Variants in TLE3 observed in about 807,000 individuals in gnomAD.
TLE3 encodes the protein transducin-like enhancer protein 3.
TLE3 carries 14 observed loss-of-function variants against 93.0 expected under a neutral mutation model. The observed-to-expected ratio is 0.15, with a 90% CI of 0.10 to 0.24. The LOEUF (loss-of-function observed/expected upper bound fraction) is 0.24. Among genes scored for constraint, TLE3 ranks in the 10% least tolerant of loss-of-function variants. The pLI is 1.00. For missense variants in TLE3, 693 were observed against 1,046.6 expected, an observed-to-expected ratio of 0.66 and a Z score of 4.66; for synonymous variants, 451 against 425.0, an observed-to-expected ratio of 1.06 and a Z score of -0.75.
Position 70,064,376 on chromosome 15 carries a change from C to T in TLE3, c.594+78G>A, listed in dbSNP as rs1050771029. The T allele has an allele frequency of 7.0e-6, 11 of 1,579,040 alleles. No homozygotes were observed. In the East Asian group the frequency reaches 1.1e-4, roughly 16 times the overall value. ...GATACCGACTGACTGGTCTCAGGCC[C>T]GCGATTCTGGGAGCCCCGAGTCCCA... On this transcript the variant is annotated intron_variant, in intron 8 of 19. Coordinates refer to ENST00000451782, the MANE Select transcript of TLE3 (RefSeq NM_001105192.3).
At chr15:70,096,372 C>T (rs905793927) in intron 1 of TLE3, 111 bp from the exon 2 acceptor site, 1 of 1,487,436 alleles carries the variant, frequency 6.7e-7, no homozygotes, top group Non-Finnish European at 8.9e-7. Flanking sequence ...ACCCTCAGCC[C>T]AGAACCTTCC....
At chr15:70,057,688 C>A (rs1327255509) in intron 12 of TLE3, 30 bp from the exon 13 acceptor site, 2 of 1,544,662 alleles carry the variant, frequency 1.3e-6, no homozygotes, top group Non-Finnish European at 1.7e-6. Context: ...GGGAGGTGGG[C>A]CTTAGGTGGA....
chr15:70,096,351 CA>C lies in TLE3; in HGVS notation c.25-91del, dbSNP rs967085425. 6 of 1,515,718 alleles carry C rather than the reference CA, an allele frequency of 4.0e-6. No homozygotes were observed. The African/African-American group carries it at 8.5e-5, about 21-fold the overall frequency. The allele number at this position is 1,515,718 out of a possible 1,614,324, so 93.9% of individuals were successfully genotyped here. On this transcript the variant is annotated intron_variant, in intron 1 of 19. Coordinates refer to ENST00000451782, the MANE Select transcript of TLE3 (RefSeq NM_001105192.3). The stretch of plus-strand genomic sequence containing the variant: ...CGGCCCCTCCCCAACGGCGCCCAAC[CA>C]AAAGAGGCCACCCTCAGCCCAGAAC...
chr15:70,062,908 A>G (rs2056584331), intron 8 of TLE3, among the ~76,000 whole-genome samples: 1 of 152,018 alleles, frequency 6.6e-6, no homozygotes, highest in Non-Finnish European at 1.5e-5. Context: ...CGAGCATGGT[A>G]AACAGCCCAG....
chr15:70,050,329 C>T, intron 19 of TLE3, 125 bp from the exon 20 acceptor site: 1 of 753,610 alleles, frequency 1.3e-6, no homozygotes, highest in South Asian at 1.6e-5. Flanking sequence ...CCTCCTCTGC[C>T]CCTCTCTGAT....
rs2056801085 is a variant in TLE3, at chr15:70,066,108, C to G, written c.483G>C (p.Gly161=). The G allele has an allele frequency of 1.3e-6, 2 of 1,575,188 alleles. No homozygotes were observed. The highest frequency in any genetic ancestry group is 1.7e-6 in the Non-Finnish European group (2 of 1,159,666). ...CCAGTGCCAGCAGCCCGGAGCTGCT[C>G]CCTGTCACTGGGGGGATTCCTGGAG... ...LQPPGIPPVT[G]SSSGLLALGA... Residue 161 remains glycine, a synonymous_variant, in exon 7 of 20, where the codon GGG becomes GGC. Transcript: ENST00000451782.
intron 6 of TLE3, among the ~76,000 whole-genome samples, chr15:70,068,090 T>C (rs985934624): frequency 2.6e-5 from 4 of 152,226 alleles, no homozygotes; most frequent in African/African-American, 9.6e-5. Flanking sequence ...ACTTTTTCTT[T>C]TTTAAGAAAA....
At chr15:70,065,976 C>A (rs2056788373) in intron 7 of TLE3, 38 bp downstream of exon 7, 1 of 1,292,590 alleles carries the variant, frequency 7.7e-7, no homozygotes, top group Non-Finnish European at 1.1e-6. Flanking sequence ...CATGCCCACC[C>A]CTGCCCCGCC....
intron 19 of TLE3, 122 bp downstream of exon 19, chr15:70,051,269 G>T: frequency 1.0e-6 from 1 of 964,950 alleles, no homozygotes; most frequent in African/African-American, 1.7e-5. Context: ...GGGGACCAGG[G>T]CAGGTCTGAT....
At chr15:70,070,600 T>C (rs886066545) in intron 6 of TLE3, among the ~76,000 whole-genome samples, 10 of 152,204 alleles carry the variant, frequency 6.6e-5, no homozygotes, top group African/African-American at 2.4e-4. Flanking sequence ...ATTGAGCTTC[T>C]GGGGTTGGTA....
chr15:70,052,482 C>T lies in TLE3; in HGVS notation c.2017G>A (p.Val673Met). 1 of 1,613,820 alleles carries T rather than the reference C, an allele frequency of 6.2e-7. No homozygotes were observed. The change falls in exon 18 of 20, where the codon GTG becomes ATG. Residue 673 changes from valine to methionine, a missense_variant. Val to Met is a conservative substitution (Grantham distance 21). Transcript: ENST00000451782. ...TCCACGTTGCTGCTCTCCATGCCCA[C>T]AGCCAGCCACTCCCCAGTGGGGCAG... ...GYCPTGEWLA[V>M]GMESSNVEVL...
Position 70,058,493 on chromosome 15 carries a change from G to C in TLE3, c.918+170C>G. 1 of 1,280,336 alleles carries C rather than the reference G, an allele frequency of 7.8e-7. No homozygotes were observed. The allele number at this position is 1,280,336 out of a possible 1,614,324, so 79.3% of individuals were successfully genotyped here. A position where few individuals can be genotyped will look rare whatever the true frequency, so the allele number is the denominator to read the frequency against. On this transcript the variant is annotated intron_variant, in intron 11 of 19. Coordinates refer to ENST00000451782, the MANE Select transcript of TLE3 (RefSeq NM_001105192.3). This position sits in a 1 kb window ranked among gnomAD's most constrained non-coding sequence, Gnocchi z 4.1. ...CCATTTTACAGACGTAGCAACCGAGGCTCAGAAACGTTAACTCATTAGCAC... is the reference window on the plus strand; with the variant it reads ...CCATTTTACAGACGTAGCAACCGAGCCTCAGAAACGTTAACTCATTAGCAC...
intron 6 of TLE3, among the ~76,000 whole-genome samples, chr15:70,073,964 G>A (rs1308797454): frequency 2.0e-5 from 3 of 152,258 alleles, no homozygotes; most frequent in African/African-American, 4.8e-5. Flanking sequence ...CTTCTAGAAA[G>A]TCAGGAAAAC....
chr15:70,095,334 A>G, intron 3 of TLE3: 1 of 1,421,830 alleles, frequency 7.0e-7, no homozygotes, highest in African/African-American at 1.5e-5. Context: ...TAAAGATAGT[A>G]CAGAAGTCTC....
Position 70,057,627 on chromosome 15 carries a change from G to T in TLE3, c.1083C>A (p.Thr361=). 1 of 1,585,920 alleles carries T rather than the reference G, an allele frequency of 6.3e-7. No individual in the cohort carries two copies. The highest frequency in any genetic ancestry group is 8.6e-7 in the Non-Finnish European group (1 of 1,169,458). ...TGGCGAAGGGCGCCGCATAGGAGCT[G>T]GTGATGGAGATGGGCGTGCGCAGAG... The part of the protein sequence containing the change: ...ASALRTPISI[T]SSYAAPFAMM... Residue 361 remains threonine, a synonymous_variant, in exon 13 of 20, where the codon ACC becomes ACA. Transcript: ENST00000451782.
At chr15:70,065,972 C>CA in intron 7 of TLE3, 42 bp downstream of exon 7, 2 of 1,260,296 alleles carry the variant, frequency 1.6e-6, no homozygotes, top group Non-Finnish European at 2.3e-6. Flanking sequence ...CGCCCATGCC[C>CA]ACCCCTGCCC....
chr15:70,058,591 G>A lies in TLE3; in HGVS notation c.918+72C>T. On this transcript the variant is annotated intron_variant, in intron 11 of 19. Transcript: ENST00000451782. The surrounding 1 kb of genome is among the most constrained non-coding windows in gnomAD (Gnocchi z 4.1). ...CTTCTCCCACTCCACCCCTCTGCCT[G>A]CCAATCGGCACCACCCCAGCTCCAG... 1 of 1,495,936 alleles carries A rather than the reference G, an allele frequency of 6.7e-7. No individual in the cohort carries two copies. The allele number at this position is 1,495,936 out of a possible 1,614,324, so 92.7% of individuals were successfully genotyped here. A position where few individuals can be genotyped will look rare whatever the true frequency, so the allele number is the denominator to read the frequency against.
chr15:70,095,307 C>A, intron 3 of TLE3: 1 of 1,356,766 alleles, frequency 7.4e-7, no homozygotes. Flanking sequence ...ACTTTCAAAA[C>A]ACAAATTAAA....
At chr15:70,068,044 G>C (rs1179801849) in intron 6 of TLE3, among the ~76,000 whole-genome samples, 1 of 152,162 alleles carries the variant, frequency 6.6e-6, no homozygotes, top group Non-Finnish European at 1.5e-5. Context: ...AGAAACTCCA[G>C]CTCCTCTAGG....
Sources: allele counts gnomAD v4.1 joint callset (sites outside exome capture counted in the v4.1 genomes callset), GRCh38; gene constraint gnomAD v4.1.1; non-coding constraint Gnocchi (gnomAD v3.1); transcripts MANE v1.5; gene names NCBI Gene and HGNC (gene_info 2026-07-23, HGNC 2026-07-21).